The following KIAA1217 variants were observed in gnomAD, a reference collection of about 807,000 sequenced individuals.
The protein encoded by KIAA1217 is KIAA1217, also known as sickle tail protein homolog.
A neutral mutation model predicts 163.9 loss-of-function variants in KIAA1217; 88 were observed. The ratio of observed to expected loss-of-function variants is 0.54; its 90% CI spans 0.45 to 0.64. KIAA1217 has a LOEUF of 0.64. KIAA1217 is among the 30% of genes least tolerant of loss of function. The pLI, the probability that KIAA1217 is intolerant of heterozygous loss-of-function variation, is 0.00. For missense variants in KIAA1217, 2,372 were observed against 2,475.0 expected (o/e 0.96, Z 0.88); for synonymous variants, 903 against 923.1 (o/e 0.98, Z 0.39).
In KIAA1217 at chr10:24,381,030, G is replaced by T. The variant is rs757507249; in HGVS notation, c.516G>T (p.Val172=). ...GCCGGACTCGTGCGAGCCTTCCTGT[G>T]GTGAGGTCAACCAACCAGACGAAAG... ...RGSRTRASLP[V]VRSTNQTKER... Residue 172 remains valine (V), a synonymous_variant, in exon 3 of 21, where the codon GTG becomes GTT. Coordinates refer to ENST00000376454, the MANE Select transcript of KIAA1217 (RefSeq NM_019590.5). The T allele has an allele frequency of 4.4e-6, 7 of 1,599,472 alleles. No homozygotes were observed. The East Asian group carries it at 1.6e-4, about 36-fold the overall frequency.
chr10:24,475,305 T>C (rs2063892651), intron 6 of KIAA1217, among the ~76,000 whole-genome samples: 1 of 152,226 alleles, frequency 6.6e-6, no homozygotes, highest in Non-Finnish European at 1.5e-5. Context: ...AAAATGTTAA[T>C]ATCACTTACT....
chr10:24,084,007 G>C (rs140832137), intron 2 of KIAA1217, among the ~76,000 whole-genome samples: 172 of 152,286 alleles, frequency 1.1e-3, no homozygotes, highest in African/African-American at 3.9e-3. Flanking sequence ...ATATTACAGA[G>C]AGTTGTTGAG....
intron 1 of KIAA1217, among the ~76,000 whole-genome samples, chr10:23,892,302 T>TA (rs1415580872): frequency 6.6e-6 from 1 of 152,006 alleles, no homozygotes; most frequent in Non-Finnish European, 1.5e-5. Context: ...TTTATGAGAA[T>TA]ATAGGTAACA....
At chr10:24,394,123 C>A (rs182214379) in intron 3 of KIAA1217, among the ~76,000 whole-genome samples, 1 of 152,202 alleles carries the variant, frequency 6.6e-6, no homozygotes, top group Non-Finnish European at 1.5e-5. Flanking sequence ...TCCATTTGCA[C>A]GGCTACTTTT....
intron 2 of KIAA1217, among the ~76,000 whole-genome samples, chr10:24,141,294 A>G (rs530497121): frequency 2.7e-4 from 36 of 132,876 alleles, no homozygotes; most frequent in African/African-American, 9.9e-4. Context: ...TTCCCCTCCA[A>G]TCCTTTGATC....
intron 2 of KIAA1217, among the ~76,000 whole-genome samples, chr10:24,265,630 A>G (rs1564369989): frequency 1.3e-5 from 2 of 151,998 alleles, no homozygotes; most frequent in Non-Finnish European, 1.5e-5. Flanking sequence ...TCCCATCTTC[A>G]TGTGGACATT....
At chr10:24,530,133 C>T (rs900022953) in intron 14 of KIAA1217, among the ~76,000 whole-genome samples, 2 of 152,006 alleles carry the variant, frequency 1.3e-5, no homozygotes, top group African/African-American at 4.8e-5. Context: ...TTCTCTCTGC[C>T]CCATTATTAA....
intron 2 of KIAA1217, among the ~76,000 whole-genome samples, chr10:24,335,611 TATTTATTTATTTATTG>T (rs1221858652): frequency 2.8e-5 from 4 of 145,304 alleles, no homozygotes; most frequent in South Asian, 2.3e-4. Context: ...TTTATTTATT[TATTTATTTATTTATTG>T]GAGATGGAGT....
intron 17 of KIAA1217, 76 bp downstream of exon 17, chr10:24,536,969 T>A: frequency 6.5e-7 from 1 of 1,547,688 alleles, no homozygotes; most frequent in Admixed American, 1.8e-5. Context: ...ACGGCTCTTA[T>A]ACTCGACCTT....
chr10:24,335,821 A>G (rs1018627258), intron 2 of KIAA1217, among the ~76,000 whole-genome samples: 2 of 152,140 alleles, frequency 1.3e-5, no homozygotes, highest in Admixed American at 6.5e-5. Context: ...AATGTTGCCC[A>G]GGCTAGTCTC....
At chr10:24,376,721 C>G (rs2052544620) in intron 2 of KIAA1217, among the ~76,000 whole-genome samples, 1 of 152,048 alleles carries the variant, frequency 6.6e-6, no homozygotes, top group South Asian at 2.1e-4. Flanking sequence ...ATAATCTTAC[C>G]ACTGCACTCC....
At position 24,533,085 on chromosome 10, in the gene KIAA1217, G is replaced by T. The variant is rs780736647; in HGVS notation, c.3262G>T (p.Ala1088Ser). The T allele has an allele frequency of 9.9e-6, 16 of 1,611,690 alleles. No homozygotes were observed. The highest frequency in any genetic ancestry group is 1.4e-5 in the Non-Finnish European group (16 of 1,178,696). Reference sequence around the variant, plus strand: ...TCTCCCACAGGCAAGCAGTGAAGATGCTGGACCAAGCCCACAGACCAGAGC... The same window carrying T: ...TCTCCCACAGGCAAGCAGTGAAGATTCTGGACCAAGCCCACAGACCAGAGC... ...NITAKASSED[A>S]GPSPQTRATK... Residue 1088 changes from alanine (A) to serine (S), a missense_variant, in exon 16 of 21, where the codon GCT (alanine) becomes TCT (serine). By Grantham distance (99) the Ala-to-Ser change is moderately conservative. Around this residue, in one of 3 missense-constraint regions of KIAA1217, gnomAD observed 1,431 missense variants for 1,470.3 expected, o/e 0.97. Transcript: ENST00000376454.
At chr10:23,992,896 C>T (rs2131442955) in intron 1 of KIAA1217, among the ~76,000 whole-genome samples, 1 of 151,972 alleles carries the variant, frequency 6.6e-6, no homozygotes, top group Non-Finnish European at 1.5e-5. Context: ...GCCAGATAAA[C>T]TGAACCAACA....
intron 2 of KIAA1217, among the ~76,000 whole-genome samples, chr10:24,015,927 T>C (rs544195670): frequency 1.3e-5 from 2 of 151,920 alleles, no homozygotes; most frequent in South Asian, 2.1e-4. Flanking sequence ...AACCAGGATA[T>C]GCTTTCTTGA....
chr10:24,278,295 T>A (rs1418436064), intron 2 of KIAA1217, among the ~76,000 whole-genome samples: 2 of 152,172 alleles, frequency 1.3e-5, no homozygotes, highest in Non-Finnish European at 2.9e-5. Context: ...AACCTAGAAC[T>A]CAGACCATTG....
chr10:23,707,413 C>T (rs896442911), intron 1 of KIAA1217, among the ~76,000 whole-genome samples: 1 of 152,152 alleles, frequency 6.6e-6, no homozygotes, highest in African/African-American at 2.4e-5. Flanking sequence ...ATGTCATTAT[C>T]CTCAGAGCAG....
At chr10:24,032,230 G>C (rs1848217581) in intron 2 of KIAA1217, among the ~76,000 whole-genome samples, 1 of 152,060 alleles carries the variant, frequency 6.6e-6, no homozygotes, top group Non-Finnish European at 1.5e-5. Context: ...AAGCCCATCT[G>C]ATTGCCTAAG....
At chr10:24,054,562 G>A (rs945619392) in intron 2 of KIAA1217, among the ~76,000 whole-genome samples, 5 of 152,178 alleles carry the variant, frequency 3.3e-5, no homozygotes, top group Non-Finnish European at 7.4e-5. Flanking sequence ...GGTATTCTAC[G>A]CATTTCCTCC....
chr10:24,453,390 C>T (rs577008546), intron 5 of KIAA1217, among the ~76,000 whole-genome samples: 3 of 152,318 alleles, frequency 2.0e-5, no homozygotes, highest in South Asian at 4.1e-4. Flanking sequence ...ACCAGAAATC[C>T]TGTAGTTAGG....
Sources: gnomAD v4.1 joint callset for allele counts (sites outside exome capture counted in the v4.1 genomes callset) on GRCh38, gnomAD v4.1.1 for gene constraint, gnomAD v4.1.1 regional missense constraint, MANE v1.5 for transcripts, NCBI Gene and HGNC (gene_info 2026-07-23, HGNC 2026-07-21) for gene names.